The following TNR variants were observed in gnomAD, a reference collection of about 807,000 sequenced individuals.
TNR encodes the protein tenascin R.
In TNR, 45 loss-of-function variants were observed where a neutral mutation model predicts 150.4. The observed-to-expected ratio is 0.30, with a 90% CI of 0.24 to 0.38. The LOEUF is 0.38. TNR is among the 10% of genes least tolerant of loss of function. TNR has a pLI of 1.00. For synonymous variants in TNR, 687 were observed against 678.4 expected, an observed-to-expected ratio of 1.01 and a Z score of -0.20; for missense variants, 1,544 against 1,759.1, an observed-to-expected ratio of 0.88 and a Z score of 2.19.
At chr1:175,478,269 A>C (rs1283519034) in intron 2 of TNR, among the ~76,000 whole-genome samples, 1 of 152,220 alleles carries the variant, frequency 6.6e-6, no homozygotes, top group Non-Finnish European at 1.5e-5. Flanking sequence ...ATATGTGTGC[A>C]TATATTGTCC....
chr1:175,637,519 T>C (rs1029916343), intron 1 of TNR, among the ~76,000 whole-genome samples: 7 of 152,028 alleles, frequency 4.6e-5, no homozygotes, highest in Admixed American at 4.6e-4. Flanking sequence ...ATTTATAAAA[T>C]CATCAAAATA....
At chr1:175,692,125 T>A (rs1666385328) in intron 1 of TNR, among the ~76,000 whole-genome samples, 1 of 152,202 alleles carries the variant, frequency 6.6e-6, no homozygotes, top group Admixed American at 6.5e-5. Flanking sequence ...GCAAAATGTA[T>A]CCGTGGGTGT....
intron 2 of TNR, among the ~76,000 whole-genome samples, chr1:175,489,575 C>T (rs1041309520): frequency 3.9e-5 from 6 of 152,160 alleles, no homozygotes; most frequent in African/African-American, 1.4e-4. Flanking sequence ...CCTGTGGTCT[C>T]TTTGCCCTGG....
At chr1:175,584,972 G>C (rs1662508635) in intron 1 of TNR, among the ~76,000 whole-genome samples, 1 of 152,212 alleles carries the variant, frequency 6.6e-6, no homozygotes. Context: ...AGTCTGGACA[G>C]GGGTGTGTCT....
At chr1:175,701,800 C>A (rs535057037) in intron 1 of TNR, among the ~76,000 whole-genome samples, 2 of 152,324 alleles carry the variant, frequency 1.3e-5, no homozygotes, top group East Asian at 3.9e-4. Flanking sequence ...GAAATGCAGC[C>A]TCTGGGCCCC....
intron 9 of TNR, among the ~76,000 whole-genome samples, chr1:175,370,994 G>T (rs555505769): frequency 6.6e-6 from 1 of 151,308 alleles, no homozygotes; most frequent in Admixed American, 6.6e-5. Flanking sequence ...GCTTTCCTTT[G>T]ATTTTCAGCA....
At chr1:175,425,289 T>A (rs1045722192) in intron 2 of TNR, among the ~76,000 whole-genome samples, 1 of 152,152 alleles carries the variant, frequency 6.6e-6, no homozygotes, top group African/African-American at 2.4e-5. Context: ...GTGCAAGCAA[T>A]GTATTTTCTC....
intron 2 of TNR, among the ~76,000 whole-genome samples, chr1:175,523,748 G>A (rs556415786): frequency 2.0e-5 from 3 of 152,242 alleles, no homozygotes; most frequent in African/African-American, 7.2e-5. Flanking sequence ...TGTCCTGAGT[G>A]ATCTTTCTAA....
At chr1:175,544,674 C>T (rs958668874) in intron 1 of TNR, among the ~76,000 whole-genome samples, 2 of 152,162 alleles carry the variant, frequency 1.3e-5, no homozygotes, top group African/African-American at 2.4e-5. Flanking sequence ...AAGCAAGAAG[C>T]TCTTGAGGAC....
chr1:175,631,861 TAC>T (rs1664339196), intron 1 of TNR, among the ~76,000 whole-genome samples: 1 of 152,254 alleles, frequency 6.6e-6, no homozygotes, highest in Non-Finnish European at 1.5e-5. Flanking sequence ...TATGCTTCTC[TAC>T]ACTGCTTTAT....
chr1:175,616,727 A>T (rs183402783), intron 1 of TNR, among the ~76,000 whole-genome samples: 76 of 152,264 alleles, frequency 5.0e-4, no homozygotes, highest in Non-Finnish European at 8.8e-5. Context: ...TGAGGAGCAT[A>T]GGAAAGAAGA....
chr1:175,706,738 T>G lies in TNR; in HGVS notation c.-165+36488A>C, dbSNP rs111306979. The stretch of plus-strand genomic sequence containing the variant: ...CCCAGATTCTAACACTCTGGGCCCG[T>G]GCAGGTAAAATCTAATTCCCCTTCT... On this transcript the variant is annotated intron_variant, in intron 1 of 22. Coordinates refer to ENST00000367674, the MANE Select transcript of TNR (RefSeq NM_003285.3). 9.2e-3 allele frequency among the ~76,000 whole-genome samples: 1,402 copies of G among 152,218 alleles called. 9 individuals carry two copies. Among genetic ancestry groups the G allele is most frequent in the Middle Eastern group, 0.017 (5 of 292 alleles).
chr1:175,644,439 T>C (rs1294365918), intron 1 of TNR, among the ~76,000 whole-genome samples: 2 of 152,190 alleles, frequency 1.3e-5, no homozygotes, highest in African/African-American at 2.4e-5. Context: ...GTATTGGAAG[T>C]TGGATCCAAC....
In TNR at chr1:175,319,613, G is replaced by C. The variant is rs960802443; in HGVS notation, c.*3744C>G. The C allele has an allele frequency of 6.6e-6, 1 of 152,358 alleles. No homozygotes were observed. Among genetic ancestry groups the C allele is most frequent in the African/African-American group, 2.4e-5 (1 of 41,434 alleles). 9.4% of individuals were successfully genotyped at this position (152,358 alleles called of 1,614,324 possible). A position where few individuals can be genotyped will look rare whatever the true frequency, so the allele number is the denominator to read the frequency against. The stretch of plus-strand genomic sequence containing the variant: ...AGTAGAGGGGGAAGTTGGTAGGTGA[G>C]GGACAGGTGGATTCAAATATTTGTA... On this transcript the variant is annotated 3_prime_UTR_variant, in exon 23 of 23. Transcript: ENST00000367674.
At chr1:175,511,540 T>C (rs1373232474) in intron 2 of TNR, among the ~76,000 whole-genome samples, 6 of 152,242 alleles carry the variant, frequency 3.9e-5, no homozygotes, top group African/African-American at 7.2e-5. Context: ...CCCTCTATGA[T>C]GACCCTGTGA....
At chr1:175,531,557 G>A (rs1052453777) in intron 1 of TNR, among the ~76,000 whole-genome samples, 14 of 152,146 alleles carry the variant, frequency 9.2e-5, no homozygotes, top group Admixed American at 6.5e-4. Context: ...AGAGGGACCC[G>A]AGGGAGAGGG....
At chr1:175,367,321 CATT>C (rs771265199) in intron 9 of TNR, 24 bp from the exon 10 acceptor site, 132 of 1,605,476 alleles carry the variant, frequency 8.2e-5, no homozygotes, top group Non-Finnish European at 9.5e-5. Context: ...GAGAAACAAA[CATT>C]ATTCTGTGTA....
intron 1 of TNR, among the ~76,000 whole-genome samples, chr1:175,621,604 T>C (rs887116629): frequency 1.3e-5 from 2 of 152,250 alleles, no homozygotes; most frequent in South Asian, 2.1e-4. Context: ...GTATAAAGCA[T>C]TGACACAGTT....
At chr1:175,622,576 G>T (rs983446941) in intron 1 of TNR, among the ~76,000 whole-genome samples, 9 of 152,128 alleles carry the variant, frequency 5.9e-5, no homozygotes, top group South Asian at 2.1e-4. Flanking sequence ...CAACTCCTAC[G>T]CATGTTTAAG....
Sources: gnomAD v4.1 joint callset for allele counts (sites outside exome capture counted in the v4.1 genomes callset) on GRCh38, gnomAD v4.1.1 for gene constraint, MANE v1.5 for transcripts, NCBI Gene and HGNC (gene_info 2026-07-23, HGNC 2026-07-21) for gene names.